The following GNB4 variants were observed in gnomAD, a reference collection of about 807,000 sequenced individuals.
The protein encoded by GNB4 is G protein subunit beta 4.
In GNB4, 28 loss-of-function variants were observed where a neutral mutation model predicts 45.2. The observed-to-expected ratio is 0.62, with a 90% CI of 0.46 to 0.85. The LOEUF (loss-of-function observed/expected upper bound fraction) is 0.85, where lower values mean the gene tolerates loss of function less well. GNB4 is among the 40% of genes least tolerant of loss of function. GNB4 has a pLI of 0.00. For synonymous variants in GNB4, 132 were observed against 143.7 expected (o/e 0.92, Z 0.58); for missense variants, 321 against 425.4 (o/e 0.75, Z 2.16).
At chr3:179,495,226 GAA>G in the GNB4 span, among the ~76,000 whole-genome samples, 1 of 151,944 alleles carries the variant, frequency 6.6e-6, no homozygotes. Context: ...TGTCTCAAAG[GAA>G]AAAAAGAGAG....
At chr3:179,472,352 C>T in the GNB4 span, among the ~76,000 whole-genome samples, 47 of 140,672 alleles carry the variant, frequency 3.3e-4, 1 homozygote, top group African/African-American at 7.9e-5. Flanking sequence ...CTTTCCTTTC[C>T]TTTCCTTTTC....
At chr3:179,488,472 C>T in the GNB4 span, among the ~76,000 whole-genome samples, 1 of 152,242 alleles carries the variant, frequency 6.6e-6, no homozygotes. Flanking sequence ...CTTGGAAGTA[C>T]CTGCTTCCAG....
intron 1 of GNB4, among the ~76,000 whole-genome samples, chr3:179,428,515 A>G (rs13093923): frequency 0.2 from 30,480 of 152,066 alleles, 3,496 homozygotes; most frequent in Admixed American, 0.26. Flanking sequence ...CCACAGTCCT[A>G]GAAACTCTCA....
chr3:179,507,389 TAGGAAGGA>T, the GNB4 span, among the ~76,000 whole-genome samples: 2 of 148,384 alleles, frequency 1.3e-5, no homozygotes, highest in Admixed American at 6.7e-5. Context: ...GACAGGAAGG[TAGGAAGGA>T]AGGAAGGAAG....
At chr3:179,484,381 C>T in the GNB4 span, among the ~76,000 whole-genome samples, 1 of 152,246 alleles carries the variant, frequency 6.6e-6, no homozygotes, top group Non-Finnish European at 1.5e-5. Context: ...GATCCCATAT[C>T]TGTGAATTTG....
In GNB4 at chr3:179,413,786, A is replaced by G. The variant is rs1560213505; in HGVS notation, c.431-5T>C. 1.9e-6 allele frequency: 3 copies of G among 1,613,106 alleles called. No individual in the cohort carries two copies. The highest frequency in any genetic ancestry group is 1.7e-5 in the Admixed American group (1 of 60,014). ...AACGACAGCAGGACAAGTACCCTAC[A>G]GCATAAAGAGTAGCAAATTTTAGGT... On this transcript the variant is annotated splice_region_variant and splice_polypyrimidine_tract_variant and intron_variant, in intron 6 of 9. Transcript: ENST00000232564.
intron 5 of GNB4, 146 bp downstream of exon 5, chr3:179,416,347 A>G (rs1714798094): frequency 1.7e-6 from 1 of 578,048 alleles, no homozygotes; most frequent in Non-Finnish European, 3.1e-6. Flanking sequence ...AGTAAACACT[A>G]AGACAAAAGA....
the GNB4 span, among the ~76,000 whole-genome samples, chr3:179,519,827 T>G: frequency 6.6e-6 from 1 of 152,146 alleles, no homozygotes; most frequent in Admixed American, 6.5e-5. Flanking sequence ...CTAATCACCC[T>G]TACCCTGCTC....
the GNB4 span, among the ~76,000 whole-genome samples, chr3:179,511,840 A>G: frequency 6.6e-6 from 1 of 152,164 alleles, no homozygotes; most frequent in Non-Finnish European, 1.5e-5. Flanking sequence ...TGGCATTGGT[A>G]TACAGTAGTG....
chr3:179,485,002 TTTG>T, the GNB4 span, among the ~76,000 whole-genome samples: 367 of 65,034 alleles, frequency 5.6e-3, 11 homozygotes, highest in African/African-American at 0.014. Flanking sequence ...CTTTTTTCGT[TTTG>T]TTTTTTTTTT....
chr3:179,509,577 C>G, the GNB4 span, among the ~76,000 whole-genome samples: 1 of 151,954 alleles, frequency 6.6e-6, no homozygotes, highest in African/African-American at 2.4e-5. Context: ...ATGGAGCGGA[C>G]TGTTGCCCTG....
chr3:179,489,045 T>TATATATAA, the GNB4 span, among the ~76,000 whole-genome samples: 1 of 71,516 alleles, frequency 1.4e-5, no homozygotes, highest in African/African-American at 6.8e-5. Context: ...TATATATATA[T>TATATATAA]AATATATATG....
At chr3:179,464,632 GA>G in the GNB4 span, 4 of 1,179,688 alleles carry the variant, frequency 3.4e-6, no homozygotes, top group Non-Finnish European at 5.1e-6. Context: ...GCAGATGTGG[GA>G]ATCAACAGTG....
chr3:179,512,009 A>G, the GNB4 span, among the ~76,000 whole-genome samples: 1 of 152,236 alleles, frequency 6.6e-6, no homozygotes, highest in African/African-American at 2.4e-5. Context: ...TTTGAATTAA[A>G]CTATCCTAAT....
chr3:179,525,679 A>C, the GNB4 span, among the ~76,000 whole-genome samples: 1 of 152,180 alleles, frequency 6.6e-6, no homozygotes, highest in Admixed American at 6.5e-5. Context: ...GTCCATGACC[A>C]GCGCCGGAGT....
intron 1 of GNB4, among the ~76,000 whole-genome samples, chr3:179,431,689 C>T (rs935354749): frequency 6.6e-6 from 1 of 152,144 alleles, no homozygotes; most frequent in African/African-American, 2.4e-5. Context: ...TTAGATCTAC[C>T]GGCTAGATTA....
chr3:179,449,755 G>T (rs938126879), intron 1 of GNB4, among the ~76,000 whole-genome samples: 5 of 152,216 alleles, frequency 3.3e-5, no homozygotes, highest in Non-Finnish European at 5.9e-5. Flanking sequence ...GCAAGGTAAA[G>T]AAACTGATGA....
In GNB4 at chr3:179,399,077, A is replaced by C. The variant is rs2108572630; in HGVS notation, c.*2136T>G. 1 of 152,310 alleles carries C rather than the reference A, an allele frequency of 6.6e-6. No homozygotes were observed. Among genetic ancestry groups the C allele is most frequent in the East Asian group, 1.9e-4 (1 of 5,190 alleles). The allele number at this position is 152,310 out of a possible 1,614,324, so 9.4% of individuals were successfully genotyped here. A position where few individuals can be genotyped will look rare whatever the true frequency, so the allele number is the denominator to read the frequency against. On this transcript the variant is annotated 3_prime_UTR_variant, in exon 10 of 10. Coordinates refer to ENST00000232564, the MANE Select transcript of GNB4 (RefSeq NM_021629.4). Reference sequence around the variant, plus strand: ...CTTTCTTCTGACTAACCTACATGGCAAACTTTCCCCAACCCTCTTTTTCTG... The same window carrying C: ...CTTTCTTCTGACTAACCTACATGGCCAACTTTCCCCAACCCTCTTTTTCTG...
At chr3:179,510,600 C>CT in the GNB4 span, among the ~76,000 whole-genome samples, 5,353 of 144,498 alleles carry the variant, frequency 0.037, 234 homozygotes, top group African/African-American at 0.11. Context: ...CCTATTTGCT[C>CT]TTTTTTTTTT....
Sources: gnomAD v4.1 joint callset for allele counts (sites outside exome capture counted in the v4.1 genomes callset) on GRCh38, gnomAD v4.1.1 for gene constraint, MANE v1.5 for transcripts, NCBI Gene and HGNC (gene_info 2026-07-23, HGNC 2026-07-21) for gene names.